Variants in NANOS3 observed in about 807,000 individuals in gnomAD.
The protein encoded by NANOS3 is nanos homolog 3.
In NANOS3, 11 loss-of-function variants were observed where a neutral mutation model predicts 13.8. The observed-to-expected ratio is 0.80, with a 90% CI of 0.50 to 1.32. NANOS3 has a LOEUF of 1.32. Among genes scored for constraint, NANOS3 ranks in the 40% most tolerant of loss-of-function variants. NANOS3 has a pLI of 0.00. For synonymous variants in NANOS3, 119 were observed against 115.4 expected (o/e 1.03, Z -0.20); for missense variants, 221 against 263.8 (o/e 0.84, Z 1.12).
At chr19:13,864,227 G>A (rs913131281), upstream of NANOS3, among the ~76,000 whole-genome samples, 8 of 152,092 alleles carry the variant, frequency 5.3e-5, no homozygotes, top group Non-Finnish European at 7.4e-5. Context: ...GGATGTCTGG[G>A]GAGGAGTACC....
chr19:13,869,704 C>T (rs1402730412), intron 1 of NANOS3, among the ~76,000 whole-genome samples: 2 of 151,610 alleles, frequency 1.3e-5, no homozygotes, highest in Non-Finnish European at 2.9e-5. Context: ...TCTTTGTCTG[C>T]CAGGTCCTGA....
Position 13,880,435 on chromosome 19 carries a change from C to G in NANOS3, c.518-7C>G. ...ATTAAGCATTTCTCTCCCTCCCCCTCCACTAGGTTTCAGAGGTGCCGGGAA... is the reference window on the plus strand; with the variant it reads ...ATTAAGCATTTCTCTCCCTCCCCCTGCACTAGGTTTCAGAGGTGCCGGGAA... On this transcript the variant is annotated splice_region_variant and splice_polypyrimidine_tract_variant and intron_variant, in intron 1 of 1. Transcript: ENST00000339133. 6.2e-7 allele frequency: 1 copy of G among 1,613,728 alleles called. No homozygotes were observed. The highest frequency in any genetic ancestry group is 8.5e-7 in the Non-Finnish European group (1 of 1,179,688).
At chr19:13,870,845 G>A (rs1469238175) in intron 1 of NANOS3, among the ~76,000 whole-genome samples, 2 of 151,758 alleles carry the variant, frequency 1.3e-5, no homozygotes, top group Non-Finnish European at 2.9e-5. Context: ...CTCCCAAAGT[G>A]CTGGGATTAC....
At chr19:13,875,789 ATCC>A (rs1599303806), upstream of NANOS3, among the ~76,000 whole-genome samples, 1 of 152,232 alleles carries the variant, frequency 6.6e-6, no homozygotes, top group East Asian at 1.9e-4. Flanking sequence ...GGTTCAAGCA[ATCC>A]TCCTCGGCCT....
At chr19:13,865,305 G>T (rs1274690769), upstream of NANOS3, 2 of 93,472 alleles carry the variant, frequency 2.1e-5, no homozygotes, top group African/African-American at 8.1e-5. Flanking sequence ...CCCCGCCCAC[G>T]GCCTAGGGAG....
intron 1 of NANOS3, among the ~76,000 whole-genome samples, chr19:13,865,912 AAG>A (rs1259319112): frequency 6.6e-6 from 1 of 151,774 alleles, no homozygotes; most frequent in Non-Finnish European, 1.5e-5. Context: ...CGAATGCCAG[AAG>A]AGAGTACGGC....
At chr19:13,865,037 C>T (rs1976210886), upstream of NANOS3, among the ~76,000 whole-genome samples, 1 of 152,034 alleles carries the variant, frequency 6.6e-6, no homozygotes, top group East Asian at 1.9e-4. Flanking sequence ...GCCCCCGTGT[C>T]CCTGATTCCC....
At chr19:13,867,812 A>C (rs1455975263) in intron 1 of NANOS3, among the ~76,000 whole-genome samples, 2 of 152,072 alleles carry the variant, frequency 1.3e-5, no homozygotes, top group Non-Finnish European at 2.9e-5. Context: ...ACCCACAAAG[A>C]CACTGTCACC....
intron 1 of NANOS3, among the ~76,000 whole-genome samples, chr19:13,880,041 C>T (rs1968599742): frequency 6.6e-6 from 1 of 152,110 alleles, no homozygotes; most frequent in African/African-American, 2.4e-5. Flanking sequence ...AAAAAGAAAG[C>T]ATGAAAGACT....
At chr19:13,870,560 CTT>C (rs34524831) in intron 1 of NANOS3, among the ~76,000 whole-genome samples, 731 of 71,550 alleles carry the variant, frequency 0.01, no homozygotes, top group African/African-American at 0.044. Context: ...GATAGCGTGG[CTT>C]TTTTTTTTTT....
intron 1 of NANOS3, among the ~76,000 whole-genome samples, chr19:13,871,464 C>T (rs897788551): frequency 1.3e-5 from 2 of 152,196 alleles, no homozygotes; most frequent in East Asian, 1.9e-4. Flanking sequence ...GGCCTCCTGT[C>T]GCCCCAGCCC....
intron 1 of NANOS3, among the ~76,000 whole-genome samples, chr19:13,869,601 C>T (rs1976293585): frequency 6.6e-6 from 1 of 151,894 alleles, no homozygotes. Context: ...ACGAGACACC[C>T]CTGCTTGCCA....
upstream of NANOS3, among the ~76,000 whole-genome samples, chr19:13,863,354 C>T (rs1976184820): frequency 6.6e-6 from 1 of 152,068 alleles, no homozygotes; most frequent in Admixed American, 6.6e-5. Flanking sequence ...GGACTATAGG[C>T]GCTCACCACC....
At chr19:13,864,954 C>A (rs1976209726), upstream of NANOS3, among the ~76,000 whole-genome samples, 1 of 152,032 alleles carries the variant, frequency 6.6e-6, no homozygotes, top group South Asian at 2.1e-4. Context: ...GCCCGCGTGC[C>A]TTTGTGCGCG....
At chr19:13,864,000 C>T (rs149278120), upstream of NANOS3, among the ~76,000 whole-genome samples, 21 of 152,220 alleles carry the variant, frequency 1.4e-4, no homozygotes, top group Middle Eastern at 0.014. Flanking sequence ...TCTCCATCCC[C>T]CTCTCAGACT....
Position 13,877,716 on chromosome 19 carries a change from G to T in NANOS3, c.468G>T (p.Lys156Asn). 1.9e-6 allele frequency: 3 copies of T among 1,602,950 alleles called. No homozygotes were observed. Among genetic ancestry groups the T allele is most frequent in the Non-Finnish European group, 2.6e-6 (3 of 1,176,004 alleles). The change falls in exon 1 of 2, where the codon AAG becomes AAT. Residue 156 changes from lysine (K) to asparagine (N), a missense_variant. Transcript: ENST00000339133. ...SAGKKLVRPD[K>N]AKTQDTGHRR... Reference sequence around the variant, plus strand: ...GCAAGAAGCTGGTCCGGCCTGACAAGGCGAAGACACAGGACACAGGCCACC... The same window carrying T: ...GCAAGAAGCTGGTCCGGCCTGACAATGCGAAGACACAGGACACAGGCCACC...
At chr19:13,879,096 C>T (rs535650583) in intron 1 of NANOS3, among the ~76,000 whole-genome samples, 17 of 152,122 alleles carry the variant, frequency 1.1e-4, no homozygotes, top group African/African-American at 2.9e-4. Context: ...CCCACCACCA[C>T]GCACGGCTAA....
upstream of NANOS3, among the ~76,000 whole-genome samples, chr19:13,863,782 CCA>C (rs573502636): frequency 7.0e-4 from 106 of 152,188 alleles, no homozygotes; most frequent in African/African-American, 2.5e-3. Flanking sequence ...CTGGAGACAT[CCA>C]CTCTCCTGGA....
chr19:13,865,399 G>A (rs1396444804), upstream of NANOS3: 1 of 147,224 alleles, frequency 6.8e-6, no homozygotes, highest in Non-Finnish European at 1.5e-5. Context: ...GCGGGTTTTG[G>A]AAAGAAGAGG....
Sources: gnomAD v4.1 joint callset for allele counts (sites outside exome capture counted in the v4.1 genomes callset) on GRCh38, gnomAD v4.1.1 for gene constraint, MANE v1.5 for transcripts, NCBI Gene and HGNC (gene_info 2026-07-23, HGNC 2026-07-21) for gene names.